The following ANK2 variants were observed in gnomAD, a reference collection of about 807,000 sequenced individuals.
The protein encoded by ANK2 is ankyrin-2.
ANK2 carries 83 observed loss-of-function variants against 360.5 expected under a neutral mutation model. That is an observed-to-expected ratio of 0.23 (90% CI 0.19 to 0.28). ANK2 has a LOEUF of 0.28. Ranked by LOEUF, ANK2 falls within the 10% of genes least tolerant of loss-of-function variation. The pLI, the probability that ANK2 is intolerant of heterozygous loss-of-function variation, is 1.00. For synonymous variants in ANK2, 1,740 were observed against 1,759.5 expected, an observed-to-expected ratio of 0.99 and a Z score of 0.28; for missense variants, 4,201 against 4,795.7, an observed-to-expected ratio of 0.88 and a Z score of 3.66.
intron 36 of ANK2, among the ~76,000 whole-genome samples, chr4:113,349,256 T>C (rs1195714802): frequency 6.6e-6 from 1 of 151,604 alleles, no homozygotes; most frequent in African/African-American, 2.4e-5. Flanking sequence ...CCAAATATTA[T>C]AATAGAAATG....
the ANK2 span, among the ~76,000 whole-genome samples, chr4:112,710,903 T>TTATATA: frequency 0.043 from 6,119 of 141,140 alleles, 275 homozygotes; most frequent in African/African-American, 0.11. Flanking sequence ...TGAACAGGTT[T>TTATATA]TATATATATA....
At chr4:113,322,620 T>C (rs1323184974) in intron 26 of ANK2, among the ~76,000 whole-genome samples, 2 of 152,200 alleles carry the variant, frequency 1.3e-5, no homozygotes, top group African/African-American at 4.8e-5. Flanking sequence ...AACAATTAAA[T>C]GTCAATTCAT....
Position 112,863,263 on chromosome 4 carries a change from GAAAA to G in ANK2, c.-39-41190_-39-41187del, listed in dbSNP as rs1174881970. On this transcript the variant is annotated intron_variant, in intron 1 of 30. Coordinates refer to the ANK2 transcript ENST00000503271. Reference sequence around the variant, plus strand: ...TATGAAAATCTGAAGAGTCAATAGAGAAAAAGACTAGGAGAAATAGTGGCTATGT... The same window carrying G: ...TATGAAAATCTGAAGAGTCAATAGAGAGACTAGGAGAAATAGTGGCTATGT... Among the ~76,000 whole-genome samples the G allele has an allele frequency of 2.0e-5, 3 of 152,138 alleles. No individual in the cohort carries two copies. In the East Asian group the frequency reaches 5.8e-4, roughly 29 times the overall value.
intron 1 of ANK2, among the ~76,000 whole-genome samples, chr4:112,828,088 C>T (rs546990864): frequency 6.6e-6 from 1 of 152,250 alleles, no homozygotes; most frequent in South Asian, 2.1e-4. Flanking sequence ...TGATCTTCAA[C>T]AAAGCCTACA....
intron 1 of ANK2, among the ~76,000 whole-genome samples, chr4:113,131,299 A>G (rs1409161510): frequency 6.6e-6 from 1 of 152,086 alleles, no homozygotes; most frequent in Admixed American, 6.6e-5. Context: ...TATTGGTGGC[A>G]TGTTTAGCTG....
At chr4:113,120,491 A>G (rs771382916) in intron 1 of ANK2, among the ~76,000 whole-genome samples, 1 of 152,224 alleles carries the variant, frequency 6.6e-6, no homozygotes, top group Non-Finnish European at 1.5e-5. Flanking sequence ...CCACAACTAG[A>G]TACTATTTCC....
intron 1 of ANK2, chr4:113,174,116 A>G: frequency 2.9e-6 from 1 of 343,278 alleles, no homozygotes; most frequent in Non-Finnish European, 5.7e-6. Flanking sequence ...TGAGGCTAGC[A>G]TCAACACGTC....
chr4:112,841,588 G>C (rs2062093101), intron 1 of ANK2, among the ~76,000 whole-genome samples: 1 of 152,226 alleles, frequency 6.6e-6, no homozygotes, highest in African/African-American at 2.4e-5. Flanking sequence ...GTAGAATGAA[G>C]AGTGAGAGGC....
upstream of ANK2, among the ~76,000 whole-genome samples, chr4:113,046,039 G>A (rs1387914834): frequency 6.6e-6 from 1 of 152,136 alleles, no homozygotes; most frequent in Middle Eastern, 3.2e-3. Context: ...TCCAGTTAGG[G>A]ACATGCCCAC....
At chr4:113,193,472 T>C (rs966792446) in intron 2 of ANK2, among the ~76,000 whole-genome samples, 2 of 152,174 alleles carry the variant, frequency 1.3e-5, no homozygotes, top group African/African-American at 4.8e-5. Context: ...AAGGGAAAAG[T>C]GCAGATAAAA....
At chr4:112,783,839 C>T in the ANK2 span, among the ~76,000 whole-genome samples, 1 of 151,756 alleles carries the variant, frequency 6.6e-6, no homozygotes, top group Non-Finnish European at 1.5e-5. Flanking sequence ...TTAGTAGAGA[C>T]GGGGTTTCAC....
intron 1 of ANK2, among the ~76,000 whole-genome samples, chr4:112,858,560 T>C (rs951923174): frequency 3.9e-5 from 6 of 152,198 alleles, no homozygotes; most frequent in African/African-American, 1.4e-4. Context: ...GCAAATAATA[T>C]CAAAGTCCTT....
chr4:113,176,951 G>A (rs552102240), intron 2 of ANK2, among the ~76,000 whole-genome samples: 9 of 152,222 alleles, frequency 5.9e-5, no homozygotes, highest in African/African-American at 1.2e-4. Flanking sequence ...CCCTACAAAG[G>A]ACATGAACTC....
At chr4:112,760,596 G>T in the ANK2 span, among the ~76,000 whole-genome samples, 2 of 150,968 alleles carry the variant, frequency 1.3e-5, no homozygotes, top group Admixed American at 6.6e-5. Context: ...CAACGTGCAG[G>T]TTTGTTACAT....
intron 4 of ANK2, among the ~76,000 whole-genome samples, chr4:113,228,735 G>A (rs111476320): frequency 2.5e-4 from 38 of 152,178 alleles, no homozygotes; most frequent in African/African-American, 8.7e-4. Flanking sequence ...TATAAACCTT[G>A]ATATTCCCCT....
At chr4:112,791,479 CTTT>C in the ANK2 span, among the ~76,000 whole-genome samples, 12,531 of 92,980 alleles carry the variant, frequency 0.13, 283 homozygotes, top group Middle Eastern at 0.18. Context: ...TCTTCTTCTT[CTTT>C]TTTTTTTTTT....
rs181573501 is a variant in ANK2, at chr4:112,882,130, G to A, written c.-39-22325G>A. 6 of 276,480 alleles carry A rather than the reference G, an allele frequency of 2.2e-5. No individual in the cohort carries two copies. In the East Asian group the frequency reaches 3.1e-4, roughly 14 times the overall value. The allele number at this position is 276,480 out of a possible 1,614,324, so 17.1% of individuals were successfully genotyped here. A position where few individuals can be genotyped will look rare whatever the true frequency, so the allele number is the denominator to read the frequency against. On this transcript the variant is annotated intron_variant, in intron 1 of 30. Transcript: ENST00000503271. ...CTTCCGCAGCTGTTCCGGCTCTTTA[G>A]GACAGGACGGCCCTGGGAAGAGAGA...
At chr4:112,937,035 T>TCC (rs1218236473) in intron 2 of ANK2, among the ~76,000 whole-genome samples, 1 of 151,928 alleles carries the variant, frequency 6.6e-6, no homozygotes, top group Non-Finnish European at 1.5e-5. Flanking sequence ...CAAGCAATCC[T>TCC]CCCGCCTCTG....
chr4:112,915,199 T>C (rs1266172827), intron 2 of ANK2, among the ~76,000 whole-genome samples: 2 of 152,168 alleles, frequency 1.3e-5, no homozygotes, highest in Non-Finnish European at 2.9e-5. Flanking sequence ...ACATATTTTT[T>C]AGAGCAGGGA....
Sources: allele counts gnomAD v4.1 joint callset (sites outside exome capture counted in the v4.1 genomes callset), GRCh38; gene constraint gnomAD v4.1.1; transcripts MANE v1.5; gene names NCBI Gene and HGNC (gene_info 2026-07-23, HGNC 2026-07-21).